Variants in CEP63 observed in about 807,000 individuals in gnomAD.
The protein encoded by CEP63 is centrosomal protein of 63 kDa.
CEP63 carries 84 observed loss-of-function variants against 89.1 expected under a neutral mutation model. That is an observed-to-expected ratio of 0.94 (90% CI 0.79 to 1.13). The LOEUF is 1.13. Ranked by LOEUF, CEP63 falls within the 50% of genes most tolerant of loss-of-function variation. The pLI, the probability that CEP63 is intolerant of heterozygous loss-of-function variation, is 0.00. For synonymous variants in CEP63, 267 were observed against 272.5 expected (o/e 0.98, Z 0.20); for missense variants, 838 against 813.3 (o/e 1.03, Z -0.37).
the CEP63 span, chr3:134,607,805 C>T: frequency 1.0e-6 from 1 of 987,774 alleles, no homozygotes; most frequent in Non-Finnish European, 1.2e-6. Flanking sequence ...GTATCCTATA[C>T]TGCCCCAGGG....
At chr3:134,666,482 C>A in the CEP63 span, among the ~76,000 whole-genome samples, 2 of 152,194 alleles carry the variant, frequency 1.3e-5, no homozygotes, top group Non-Finnish European at 2.9e-5. Context: ...TCTCATCTCT[C>A]CCCAGACTGT....
chr3:134,570,929 G>T (rs1957984481), intron 11 of CEP63, among the ~76,000 whole-genome samples: 1 of 152,192 alleles, frequency 6.6e-6, no homozygotes, highest in Non-Finnish European at 1.5e-5. Context: ...AAGAGAGCCT[G>T]TGCAGAGAAA....
the CEP63 span, among the ~76,000 whole-genome samples, chr3:134,738,613 TGGG>T: frequency 6.6e-6 from 1 of 150,996 alleles, no homozygotes; most frequent in Non-Finnish European, 1.5e-5. Context: ...TTTGGGGACT[TGGG>T]GGGACAAATG....
At chr3:134,528,962 T>C (rs899506351) in intron 3 of CEP63, among the ~76,000 whole-genome samples, 1 of 152,206 alleles carries the variant, frequency 6.6e-6, no homozygotes, top group Non-Finnish European at 1.5e-5. Context: ...TTTTCTTTTT[T>C]AAAATGTTCT....
chr3:134,606,847 A>C, the CEP63 span, among the ~76,000 whole-genome samples: 3 of 138,530 alleles, frequency 2.2e-5, no homozygotes, highest in South Asian at 2.4e-4. Context: ...CCTCCACGGC[A>C]CTCTCCTAGA....
intron 12 of CEP63, among the ~76,000 whole-genome samples, chr3:134,554,079 A>G (rs895910938): frequency 6.6e-6 from 1 of 151,992 alleles, no homozygotes; most frequent in Non-Finnish European, 1.5e-5. Flanking sequence ...TTTTATTTTT[A>G]TTTTTTTCCT....
chr3:134,658,176 A>C, the CEP63 span, among the ~76,000 whole-genome samples: 1 of 152,182 alleles, frequency 6.6e-6, no homozygotes, highest in Non-Finnish European at 1.5e-5. Context: ...GATTACAGGC[A>C]TGAGCCACTG....
At chr3:134,544,107 A>G (rs924142027) in intron 6 of CEP63, among the ~76,000 whole-genome samples, 1 of 152,206 alleles carries the variant, frequency 6.6e-6, no homozygotes, top group African/African-American at 2.4e-5. Context: ...AGTATATAGT[A>G]CAGGATTTGG....
the CEP63 span, among the ~76,000 whole-genome samples, chr3:134,709,286 T>C: frequency 0.87 from 132,859 of 152,024 alleles, 59,667 homozygotes; most frequent in East Asian, 1. Flanking sequence ...GATTCCAGAG[T>C]ATTGGACATT....
chr3:134,618,507 G>T, the CEP63 span, among the ~76,000 whole-genome samples: 1 of 152,136 alleles, frequency 6.6e-6, no homozygotes, highest in South Asian at 2.1e-4. Context: ...GGCTCAGGAA[G>T]CTGTGGGGGT....
At chr3:134,604,548 G>T in the CEP63 span, 1 of 1,320,272 alleles carries the variant, frequency 7.6e-7, no homozygotes, top group Non-Finnish European at 1.0e-6. Context: ...TTTAACAACT[G>T]TCTCCCTGGG....
At chr3:134,585,108 A>C (rs1218612281) in intron 10 of CEP63, among the ~76,000 whole-genome samples, 5 of 151,678 alleles carry the variant, frequency 3.3e-5, no homozygotes, top group Non-Finnish European at 7.4e-5. Flanking sequence ...CTAGTGGTCT[A>C]TCAATTTTGT....
At chr3:134,568,884 T>C (rs1957898415), downstream of CEP63, among the ~76,000 whole-genome samples, 1 of 152,134 alleles carries the variant, frequency 6.6e-6, no homozygotes, top group Non-Finnish European at 1.5e-5. Context: ...GACTGGGTGA[T>C]TTACAAGAGA....
chr3:134,771,489 A>G, the CEP63 span, among the ~76,000 whole-genome samples: 1 of 152,194 alleles, frequency 6.6e-6, no homozygotes, highest in East Asian at 1.9e-4. Flanking sequence ...CCACCCCCAA[A>G]GTTTCTGATA....
chr3:134,539,711 A>G lies in CEP63; in HGVS notation c.555+2443A>G, dbSNP rs529071744. On this transcript the variant is annotated intron_variant, in intron 6 of 14. Transcript: ENST00000675561. The stretch of plus-strand genomic sequence containing the variant: ...CTCCATTAAAAAAAAATCTCTGTAT[A>G]ATTTTTTTCTTATATGTTTTTAACA... Among the ~76,000 whole-genome samples, 10 of 152,288 alleles carry G rather than the reference A, an allele frequency of 6.6e-5. No individual in the cohort carries two copies. The South Asian group carries it at 1.9e-3, about 28-fold the overall frequency.
At chr3:134,636,947 G>A in the CEP63 span, among the ~76,000 whole-genome samples, 2 of 152,082 alleles carry the variant, frequency 1.3e-5, no homozygotes, top group Non-Finnish European at 2.9e-5. Flanking sequence ...CATTGATTTT[G>A]TAAAACCTCC....
At chr3:134,595,830 A>G in the CEP63 span, among the ~76,000 whole-genome samples, 6 of 152,132 alleles carry the variant, frequency 3.9e-5, no homozygotes, top group African/African-American at 1.4e-4. Context: ...ATCAGCCTTG[A>G]GGACAACTGT....
At chr3:134,674,038 C>T in the CEP63 span, among the ~76,000 whole-genome samples, 1 of 152,222 alleles carries the variant, frequency 6.6e-6, no homozygotes, top group Non-Finnish European at 1.5e-5. Flanking sequence ...CAGTGATTAG[C>T]TTGTGGTTGT....
the CEP63 span, among the ~76,000 whole-genome samples, chr3:134,705,718 C>T: frequency 2.0e-5 from 3 of 152,338 alleles, no homozygotes; most frequent in Non-Finnish European, 4.4e-5. Context: ...GGCTGCTCAC[C>T]TGTACTTGGG....
Sources: gnomAD v4.1 joint callset for allele counts (sites outside exome capture counted in the v4.1 genomes callset) on GRCh38, gnomAD v4.1.1 for gene constraint, MANE v1.5 for transcripts, NCBI Gene and HGNC (gene_info 2026-07-23, HGNC 2026-07-21) for gene names.